ISM1: variants seen among roughly 807,000 people sequenced by gnomAD.
ISM1 encodes the protein isthmin-1.
In ISM1, 25 loss-of-function variants were observed where a neutral mutation model predicts 46.3. That is an observed-to-expected ratio of 0.54 (90% CI 0.39 to 0.75). ISM1 has a LOEUF of 0.75. Among genes scored for constraint, ISM1 ranks in the 30% least tolerant of loss-of-function variants. The pLI is 0.00. For synonymous variants in ISM1, 255 were observed against 256.7 expected (o/e 0.99, Z 0.06); for missense variants, 536 against 625.4 (o/e 0.86, Z 1.52).
At chr20:13,229,092 CTTT>C (rs2039560206) in intron 1 of ISM1, among the ~76,000 whole-genome samples, 1 of 151,616 alleles carries the variant, frequency 6.6e-6, no homozygotes. Flanking sequence ...CTTTTTCTTC[CTTT>C]TTTATCTTCC....
chr20:13,246,554 G>A (rs991467025), intron 1 of ISM1, among the ~76,000 whole-genome samples: 1 of 152,192 alleles, frequency 6.6e-6, no homozygotes, highest in Non-Finnish European at 1.5e-5. Flanking sequence ...AGGGAGTGTC[G>A]TGCTTTCCAA....
intron 2 of ISM1, among the ~76,000 whole-genome samples, chr20:13,276,248 G>A (rs78787815): frequency 0.051 from 7,694 of 152,226 alleles, 258 homozygotes; most frequent in Admixed American, 0.085. Flanking sequence ...CAACAAGCAA[G>A]AAGGCTTTCC....
At chr20:13,282,266 C>T (rs919344051) in intron 3 of ISM1, among the ~76,000 whole-genome samples, 4 of 152,106 alleles carry the variant, frequency 2.6e-5, no homozygotes, top group African/African-American at 4.8e-5. Context: ...TTGTTCAGCC[C>T]GGGTTGAAGG....
rs1455634967 is a variant in ISM1 at position 13,221,355 on chromosome 20, C to T, written c.-422C>T. Among the ~76,000 whole-genome samples, 1 of 148,046 alleles carries T rather than the reference C, an allele frequency of 6.8e-6. No homozygotes were observed. Among genetic ancestry groups the T allele is most frequent in the Non-Finnish European group, 1.5e-5 (1 of 66,046 alleles). ...CGGCCACATCTGGGGCGCCCATGTG[C>T]GCTCGGGGGCTCGGCTGCGCCCGCC... On this transcript the variant is annotated 5_prime_UTR_variant, in exon 1 of 6. Coordinates refer to ENST00000262487, the MANE Select transcript of ISM1 (RefSeq NM_080826.2).
chr20:13,252,374 G>T (rs961250506), intron 1 of ISM1, among the ~76,000 whole-genome samples: 2 of 152,202 alleles, frequency 1.3e-5, no homozygotes, highest in Non-Finnish European at 1.5e-5. Flanking sequence ...AAAGTTAGGT[G>T]TTGGATGGTC....
chr20:13,292,398 C>A lies in ISM1; in HGVS notation c.812C>A (p.Ala271Asp). The A allele has an allele frequency of 6.2e-7, 1 of 1,605,760 alleles. No homozygotes were observed. Among genetic ancestry groups the A allele is most frequent in the Non-Finnish European group, 8.5e-7 (1 of 1,175,792 alleles). ...GGAATTGAAGACACTTTTAGGACAGCTGCCACCGAAGTGAGTCTGCTTGCG... is the reference window on the plus strand; with the variant it reads ...GGAATTGAAGACACTTTTAGGACAGATGCCACCGAAGTGAGTCTGCTTGCG... Reference protein sequence around the residue: ...CPGIEDTFRTAATEVSLLAGS... With the variant: ...CPGIEDTFRTDATEVSLLAGS... Residue 271 changes from alanine (A) to aspartate (D), a missense_variant, in exon 5 of 6, where the codon GCT becomes GAT. This residue lies in a region of ISM1 where 367 missense variants were observed against 376.1 expected (regional missense o/e 0.98). Transcript: ENST00000262487.
At chr20:13,276,655 G>C (rs2040183451) in intron 2 of ISM1, among the ~76,000 whole-genome samples, 1 of 148,574 alleles carries the variant, frequency 6.7e-6, no homozygotes, top group South Asian at 2.1e-4. Flanking sequence ...GTAAGATCTA[G>C]AGACTTTGTC....
intron 1 of ISM1, among the ~76,000 whole-genome samples, chr20:13,254,327 G>A (rs1302956036): frequency 6.6e-6 from 1 of 151,938 alleles, no homozygotes; most frequent in Non-Finnish European, 1.5e-5. Context: ...CTTTAAATAT[G>A]TGTATATATA....
At chr20:13,322,459 T>G in the ISM1 span, among the ~76,000 whole-genome samples, 1 of 152,194 alleles carries the variant, frequency 6.6e-6, no homozygotes, top group African/African-American at 2.4e-5. Context: ...CAGCTGACCA[T>G]ATTGCAAACA....
At chr20:13,293,226 G>GA (rs1555816130) in intron 5 of ISM1, among the ~76,000 whole-genome samples, 1 of 139,812 alleles carries the variant, frequency 7.2e-6, no homozygotes, top group Non-Finnish European at 1.6e-5. Context: ...AAAAAAAAAA[G>GA]AATTCTTCAT....
intron 5 of ISM1, among the ~76,000 whole-genome samples, chr20:13,296,874 C>T (rs1001439048): frequency 3.9e-5 from 6 of 152,024 alleles, no homozygotes; most frequent in African/African-American, 7.2e-5. Context: ...AAAAATTAGT[C>T]GGGCAGAGTG....
intron 2 of ISM1, among the ~76,000 whole-genome samples, chr20:13,274,877 G>T (rs566016698): frequency 6.6e-6 from 1 of 152,244 alleles, no homozygotes; most frequent in South Asian, 2.1e-4. Flanking sequence ...AACAAAAATG[G>T]TCTCAGACTA....
intron 5 of ISM1, among the ~76,000 whole-genome samples, chr20:13,294,029 G>T (rs978465065): frequency 7.2e-5 from 11 of 152,052 alleles, no homozygotes; most frequent in Admixed American, 4.6e-4. Context: ...CAGTGTCGGG[G>T]GCAGTAGAGA....
At chr20:13,293,432 T>C (rs1178099398) in intron 5 of ISM1, among the ~76,000 whole-genome samples, 1 of 152,094 alleles carries the variant, frequency 6.6e-6, no homozygotes, top group Non-Finnish European at 1.5e-5. Flanking sequence ...ATCTTTTAGC[T>C]ACCCAAAAGT....
intron 1 of ISM1, among the ~76,000 whole-genome samples, chr20:13,257,122 T>G (rs1269985707): frequency 1.3e-5 from 2 of 152,350 alleles, no homozygotes; most frequent in East Asian, 3.9e-4. Flanking sequence ...GGAAATAACA[T>G]GCTCAACATG....
chr20:13,256,118 A>G (rs2039926062), intron 1 of ISM1, among the ~76,000 whole-genome samples: 1 of 152,126 alleles, frequency 6.6e-6, no homozygotes, highest in Admixed American at 6.5e-5. Context: ...TCTAGAGGAC[A>G]GGCGTGGTGG....
chr20:13,317,737 A>G, the ISM1 span, among the ~76,000 whole-genome samples: 1 of 152,164 alleles, frequency 6.6e-6, no homozygotes, highest in African/African-American at 2.4e-5. Context: ...GAGCATTCAC[A>G]TGCAAAACAA....
In ISM1 at chr20:13,259,540, G is replaced by A. The variant is rs114495723; in HGVS notation, c.139-10964G>A. 6.9e-3 allele frequency among the ~76,000 whole-genome samples: 1,058 copies of A among 152,280 alleles called. 13 individuals are homozygous for A. The highest frequency in any genetic ancestry group is 0.024 in the African/African-American group (1,012 of 41,566). ...AACTAAATGAATGAAAGAAAAGGAA[G>A]ATGCTAATGACATCTCAGAGCATTT... On this transcript the variant is annotated intron_variant, in intron 1 of 5. Coordinates refer to ENST00000262487, the MANE Select transcript of ISM1 (RefSeq NM_080826.2).
At chr20:13,292,152 A>C (rs1434445776) in intron 4 of ISM1, among the ~76,000 whole-genome samples, 6 of 152,216 alleles carry the variant, frequency 3.9e-5, no homozygotes, top group Non-Finnish European at 8.8e-5. Context: ...ATTCAGGCAC[A>C]TTTGGATCTG....
Sources: gnomAD v4.1 joint callset for allele counts (sites outside exome capture counted in the v4.1 genomes callset) on GRCh38, gnomAD v4.1.1 for gene constraint, gnomAD v4.1.1 regional missense constraint, MANE v1.5 for transcripts, NCBI Gene and HGNC (gene_info 2026-07-23, HGNC 2026-07-21) for gene names.